The following NCOR2 variants were observed in gnomAD, a reference collection of about 807,000 sequenced individuals.
The protein encoded by NCOR2 is CTG repeat protein 26.
In NCOR2, 81 loss-of-function variants were observed where a neutral mutation model predicts 262.9. The ratio of observed to expected loss-of-function variants is 0.31; its 90% CI spans 0.26 to 0.37. The LOEUF (loss-of-function observed/expected upper bound fraction) is 0.37. NCOR2 is among the 10% of genes least tolerant of loss of function. The probability of loss-of-function intolerance (pLI) is 1.00; values close to 1 mark genes in which losing one functional copy is unlikely to be tolerated. For synonymous variants in NCOR2, 1,659 were observed against 1,559.3 expected (o/e 1.06, Z -1.51); for missense variants, 3,385 against 3,621.4 (o/e 0.93, Z 1.68).
At chr12:124,485,777 T>C (rs1180277997) in intron 2 of NCOR2, among the ~76,000 whole-genome samples, 2 of 152,164 alleles carry the variant, frequency 1.3e-5, no homozygotes, top group Non-Finnish European at 2.9e-5. Flanking sequence ...CCTCGCAGCC[T>C]CAGCTGCCCC....
chr12:124,420,377 C>T (rs1263240388), intron 12 of NCOR2, among the ~76,000 whole-genome samples: 2 of 152,178 alleles, frequency 1.3e-5, no homozygotes, highest in Admixed American at 1.3e-4. Flanking sequence ...TTAATGACAG[C>T]GCTGACGTCG....
chr12:124,402,753 G>T (rs1215609685), intron 13 of NCOR2, among the ~76,000 whole-genome samples, 192 bp from the exon 16 acceptor site: 2 of 152,176 alleles, frequency 1.3e-5, no homozygotes, highest in Admixed American at 1.3e-4. Context: ...ACGGCCTGGG[G>T]TCTTGCCGCC....
In NCOR2 at chr12:124,354,597, G is replaced by T; in HGVS notation, c.3485-15C>A. On this transcript the variant is annotated splice_polypyrimidine_tract_variant and intron_variant, in intron 25 of 46. Transcript: ENST00000405201. Reference sequence around the variant, plus strand: ...GCTGAAGGGTGCTGAGGACCAGTAAGAGGAGCGAGTCACGTGCTGCCGGAG... The same window carrying T: ...GCTGAAGGGTGCTGAGGACCAGTAATAGGAGCGAGTCACGTGCTGCCGGAG... 1 of 1,540,962 alleles carries T rather than the reference G, an allele frequency of 6.5e-7. No individual in the cohort carries two copies. Among genetic ancestry groups the T allele is most frequent in the Non-Finnish European group, 8.7e-7 (1 of 1,145,350 alleles).
chr12:124,378,126 G>A lies in NCOR2; in HGVS notation c.2167+111C>T, dbSNP rs1169268946. ...GGGAGTCGAGGCCCCTTCTAAGGAG[G>A]ACCCAGATGACTCAGGGGAGAGGAG... On this transcript the variant is annotated intron_variant, in intron 18 of 46. Coordinates refer to ENST00000405201, the Ensembl canonical transcript of NCOR2. The surrounding 1 kb of genome is among the most constrained non-coding windows in gnomAD (Gnocchi z 4.2). 1.2e-5 allele frequency: 18 copies of A among 1,514,238 alleles called. No homozygotes were observed. Among genetic ancestry groups the A allele is most frequent in the Non-Finnish European group, 1.5e-5 (17 of 1,134,586 alleles). 93.8% of individuals were successfully genotyped at this position (1,514,238 alleles called of 1,614,324 possible). A position where few individuals can be genotyped will look rare whatever the true frequency, so the allele number is the denominator to read the frequency against.
chr12:124,365,274 CTG>C (rs1030807757), intron 20 of NCOR2, among the ~76,000 whole-genome samples: 1 of 152,230 alleles, frequency 6.6e-6, no homozygotes, highest in East Asian at 1.9e-4. Context: ...AGCCCCTACT[CTG>C]TGCTGTGACC....
chr12:124,357,040 G>C (rs185056163), intron 22 of NCOR2, among the ~76,000 whole-genome samples: 30 of 152,340 alleles, frequency 2.0e-4, no homozygotes, highest in Admixed American at 1.5e-3. Context: ...ACGAGAACGG[G>C]ACCCTCTGGC....
intron 1 of NCOR2, chr12:124,556,359 T>C (rs538214595): frequency 6.6e-6 from 1 of 152,308 alleles, no homozygotes; most frequent in African/African-American, 2.4e-5. Flanking sequence ...AGCCCAACAC[T>C]CAACACATCT....
intron 34 of NCOR2, 97 bp downstream of exon 36, chr12:124,341,726 G>T: frequency 2.0e-6 from 3 of 1,505,564 alleles, no homozygotes; most frequent in South Asian, 2.6e-5. Context: ...CCCACAAGGT[G>T]ACCAGGTCTA....
At chr12:124,406,261 C>T (rs559332388) in intron 13 of NCOR2, among the ~76,000 whole-genome samples, 1 of 152,196 alleles carries the variant, frequency 6.6e-6, no homozygotes, top group Admixed American at 6.5e-5. Context: ...GGTGGTGGGC[C>T]GGATTTGGCC....
chr12:124,498,464 T>C (rs2048494864), upstream of NCOR2, among the ~76,000 whole-genome samples: 1 of 152,138 alleles, frequency 6.6e-6, no homozygotes, highest in South Asian at 2.1e-4. Flanking sequence ...CACATGCCGG[T>C]GGGGCCTGAA....
chr12:124,485,594 G>C (rs574269729), intron 2 of NCOR2, among the ~76,000 whole-genome samples: 1 of 152,366 alleles, frequency 6.6e-6, no homozygotes, highest in South Asian at 2.1e-4. Flanking sequence ...AACCAATCCA[G>C]GTACAGAAGG....
intron 1 of NCOR2, among the ~76,000 whole-genome samples, chr12:124,515,645 G>A (rs1277060361): frequency 1.3e-5 from 1 of 75,800 alleles, no homozygotes; most frequent in Non-Finnish European, 3.6e-5. Flanking sequence ...CTGTGAGTGT[G>A]CATATGAGTG....
exon 4 of NCOR2, chr12:124,473,110 G>C (rs1175211448): frequency 6.2e-7 from 1 of 1,613,818 alleles, no homozygotes; most frequent in Admixed American, 1.7e-5. Flanking sequence ...ACCGGTTCCA[G>C]CTTGCCCGTC....
chr12:124,493,653 C>T (rs1199054218), intron 1 of NCOR2, among the ~76,000 whole-genome samples: 2 of 152,188 alleles, frequency 1.3e-5, no homozygotes, highest in African/African-American at 4.8e-5. Context: ...CTTTGAACAA[C>T]ATTTGACCCA....
chr12:124,356,761 T>C (rs760784859), exon 23 of NCOR2: 5 of 1,489,180 alleles, frequency 3.4e-6, no homozygotes, highest in South Asian at 1.4e-5. Context: ...CCCAGGCAGC[T>C]TCTGGGCCTC....
rs79428329 is a variant in NCOR2 at position 124,504,892 on chromosome 12, C to A, written c.-117-9524G>T. 6.6e-6 allele frequency among the ~76,000 whole-genome samples: 1 copy of A among 152,128 alleles called. No individual in the cohort carries two copies. The highest frequency in any genetic ancestry group is 1.5e-5 in the Non-Finnish European group (1 of 68,036). On this transcript the variant is annotated intron_variant, in intron 1 of 46. Coordinates refer to the NCOR2 transcript ENST00000404621. The surrounding 1 kb of genome is among the most constrained non-coding windows in gnomAD (Gnocchi z 4.5). ...GTGGGGAGGGAGGAGAGGGGAGTGA[C>A]GGTTTAATGGGTTTGGGGTTTCCTT...
In NCOR2 at chr12:124,549,434, A is replaced by C. The variant is rs2051642626; in HGVS notation, c.-164-13823T>G. On this transcript the variant is annotated intron_variant, in intron 1 of 32. Coordinates refer to the NCOR2 transcript ENST00000458234. This position sits in a 1 kb window ranked among gnomAD's most constrained non-coding sequence, Gnocchi z 4.4. Reference sequence around the variant, plus strand: ...TTAATCCCCCTAGGGATCTCTGCTGAGCTGGCTCCTTGGGGGCCTGGGGAG... The same window carrying C: ...TTAATCCCCCTAGGGATCTCTGCTGCGCTGGCTCCTTGGGGGCCTGGGGAG... Among the ~76,000 whole-genome samples, 1 of 152,108 alleles carries C rather than the reference A, an allele frequency of 6.6e-6. No homozygotes were observed. The highest frequency in any genetic ancestry group is 2.4e-5 in the African/African-American group (1 of 41,398).
At position 124,548,899 on chromosome 12, in the gene NCOR2, C is replaced by T. The variant is rs547424279; in HGVS notation, c.-164-13288G>A. ...ACTGCAGGGCTCTGATCTGCTTTCTCGCGAATCCACGCTTACTCATTCTGA... is the reference window on the plus strand; with the variant it reads ...ACTGCAGGGCTCTGATCTGCTTTCTTGCGAATCCACGCTTACTCATTCTGA... On this transcript the variant is annotated intron_variant, in intron 1 of 32. Transcript: ENST00000458234. This position sits in a 1 kb window ranked among gnomAD's most constrained non-coding sequence, Gnocchi z 5.1. Among the ~76,000 whole-genome samples the T allele has an allele frequency of 3.9e-5, 6 of 152,186 alleles. No homozygotes were observed. Among genetic ancestry groups the T allele is most frequent in the African/African-American group, 1.4e-4 (6 of 41,448 alleles).
chr12:124,543,368 C>A (rs930697919), intron 1 of NCOR2, among the ~76,000 whole-genome samples: 9 of 152,362 alleles, frequency 5.9e-5, no homozygotes, highest in African/African-American at 1.9e-4. Flanking sequence ...ACAATAATAA[C>A]AGCCCTCACT....
Sources: gnomAD v4.1 joint callset for allele counts (sites outside exome capture counted in the v4.1 genomes callset) on GRCh38, gnomAD v4.1.1 for gene constraint, Gnocchi (gnomAD v3.1) non-coding constraint, MANE v1.5 for transcripts, NCBI Gene and HGNC (gene_info 2026-07-23, HGNC 2026-07-21) for gene names.